Variants in NAV1 observed in about 807,000 individuals in gnomAD.
NAV1 encodes the protein pore membrane and/or filament interacting like protein 3.
A neutral mutation model predicts 175.2 loss-of-function variants in NAV1; 18 were observed. The ratio of observed to expected loss-of-function variants is 0.10; its 90% confidence interval spans 0.07 to 0.15. The LOEUF (loss-of-function observed/expected upper bound fraction) is 0.15. Ranked by LOEUF, NAV1 falls within the 10% of genes least tolerant of loss-of-function variation. NAV1 has a pLI of 1.00. For synonymous variants in NAV1, 897 were observed against 978.7 expected (o/e 0.92, Z 1.56); for missense variants, 1,731 against 2,436.6 (o/e 0.71, Z 6.10).
At chr1:201,819,216 C>A (rs148629555) in intron 29 of NAV1, among the ~76,000 whole-genome samples, 97 of 152,264 alleles carry the variant, frequency 6.4e-4, no homozygotes, top group African/African-American at 2.3e-3. Flanking sequence ...TATGTTCAGG[C>A]CTTCCCTCCT....
intron 15 of NAV1, chr1:201,796,033 T>C (rs1677429480): frequency 1.3e-5 from 2 of 152,234 alleles, no homozygotes; most frequent in Non-Finnish European, 2.9e-5. Context: ...AATATTCCAT[T>C]GTGTGGATAT....
chr1:201,607,495 ATTT>A lies in NAV1; in HGVS notation c.-32-15355_-32-15353del, dbSNP rs551755239. ...GTTTTTAATAATTTTTGAAGACTTTATTTTTATTATTTTTGAGATGGAGTCTCG... is the reference window on the plus strand; with the variant it reads ...GTTTTTAATAATTTTTGAAGACTTTATTATTATTTTTGAGATGGAGTCTCG... On this transcript the variant is annotated intron_variant, in intron 2 of 33. Coordinates refer to the NAV1 transcript ENST00000685211. Among the ~76,000 whole-genome samples, 347 of 150,240 alleles carry A rather than the reference ATTT, an allele frequency of 2.3e-3. 2 individuals are homozygous for A. Among genetic ancestry groups the A allele is most frequent in the African/African-American group, 8.2e-3 (336 of 40,870 alleles).
intron 1 of NAV1, among the ~76,000 whole-genome samples, chr1:201,551,528 G>A (rs914703827): frequency 1.3e-5 from 2 of 152,116 alleles, no homozygotes; most frequent in Admixed American, 6.5e-5. Context: ...CTCGCCCAGC[G>A]CCACAGTGTC....
intron 1 of NAV1, among the ~76,000 whole-genome samples, chr1:201,684,765 G>A (rs1241108398): frequency 1.3e-5 from 2 of 151,862 alleles, no homozygotes; most frequent in Non-Finnish European, 2.9e-5. Context: ...GTGAGCCACT[G>A]TGCCCAGCCT....
intron 3 of NAV1, among the ~76,000 whole-genome samples, chr1:201,721,886 C>T (rs1183497309): frequency 2.0e-5 from 3 of 152,182 alleles, no homozygotes; most frequent in African/African-American, 4.8e-5. Context: ...TTTGACGGCT[C>T]TTCCCAAGCC....
intron 1 of NAV1, among the ~76,000 whole-genome samples, chr1:201,677,250 CAAAAA>C (rs3053786): frequency 1.8e-5 from 2 of 110,662 alleles, no homozygotes. Flanking sequence ...GACTCCATCT[CAAAAA>C]AAAAAAAAAA....
intron 1 of NAV1, among the ~76,000 whole-genome samples, chr1:201,706,198 T>C (rs147641690): frequency 6.6e-6 from 1 of 152,304 alleles, no homozygotes; most frequent in Non-Finnish European, 1.5e-5. Flanking sequence ...CCTAGGGATC[T>C]AACAGGGTCA....
chr1:201,794,631 A>G, intron 15 of NAV1, 54 bp downstream of exon 19: 1 of 1,500,204 alleles, frequency 6.7e-7, no homozygotes. Flanking sequence ...AAGTAAGAGT[A>G]TTACAGATTT....
intron 1 of NAV1, among the ~76,000 whole-genome samples, chr1:201,682,616 G>T (rs765185236): frequency 6.6e-6 from 1 of 152,016 alleles, no homozygotes; most frequent in Non-Finnish European, 1.5e-5. Context: ...GTCAAGACCC[G>T]CATTCAGCTC....
At chr1:201,794,823 C>G in intron 15 of NAV1, 1 of 465,292 alleles carries the variant, frequency 2.1e-6, no homozygotes, top group Non-Finnish European at 3.9e-6. Context: ...TCTCCTTAAC[C>G]TTTACCTCAC....
At chr1:201,660,599 TC>T (rs765195343) in intron 1 of NAV1, among the ~76,000 whole-genome samples, 1 of 152,222 alleles carries the variant, frequency 6.6e-6, no homozygotes, top group Non-Finnish European at 1.5e-5. Flanking sequence ...GGCATCTTCA[TC>T]CTGAGGACCC....
chr1:201,814,564 G>A (rs1571520019), intron 28 of NAV1, among the ~76,000 whole-genome samples: 2 of 152,010 alleles, frequency 1.3e-5, no homozygotes, highest in African/African-American at 4.8e-5. Context: ...AAAGTAACTT[G>A]TTATTGAGAT....
chr1:201,744,857 A>G (rs529267464), intron 3 of NAV1, among the ~76,000 whole-genome samples: 1 of 152,336 alleles, frequency 6.6e-6, no homozygotes, highest in African/African-American at 2.4e-5. Context: ...CACAGACTTC[A>G]TATCTAAGAC....
intron 1 of NAV1, among the ~76,000 whole-genome samples, chr1:201,705,077 C>T (rs1350134185): frequency 6.6e-6 from 1 of 152,152 alleles, no homozygotes; most frequent in Non-Finnish European, 1.5e-5. Context: ...TCTCTACCTC[C>T]CAAAGTGTTG....
chr1:201,572,770 G>T (rs1666584433), intron 1 of NAV1, among the ~76,000 whole-genome samples: 1 of 152,204 alleles, frequency 6.6e-6, no homozygotes, highest in Admixed American at 6.5e-5. Flanking sequence ...AAAGGAGGCA[G>T]CTAAGTGGCC....
At chr1:201,719,157 CAA>C (rs10716495) in intron 3 of NAV1, among the ~76,000 whole-genome samples, 35 of 134,412 alleles carry the variant, frequency 2.6e-4, no homozygotes, top group East Asian at 4.3e-4. Flanking sequence ...TTCCCATTTG[CAA>C]AAAAAAAAAA....
chr1:201,668,378 G>A (rs529152920), intron 1 of NAV1, among the ~76,000 whole-genome samples: 41 of 152,120 alleles, frequency 2.7e-4, no homozygotes, highest in Non-Finnish European at 4.3e-4. Context: ...TGTGATGTTC[G>A]TTAATGGGCA....
At chr1:201,641,203 AC>A (rs1323185348) in intron 2 of NAV1, among the ~76,000 whole-genome samples, 1 of 152,134 alleles carries the variant, frequency 6.6e-6, no homozygotes, top group Non-Finnish European at 1.5e-5. Flanking sequence ...TTTCCCACAC[AC>A]CCACATTTGG....
intron 2 of NAV1, among the ~76,000 whole-genome samples, chr1:201,717,444 C>A (rs1388886026): frequency 6.6e-6 from 1 of 152,198 alleles, no homozygotes; most frequent in African/African-American, 2.4e-5. Flanking sequence ...AGCCTGAACC[C>A]AAGTCCAAGC....
Sources: allele counts gnomAD v4.1 joint callset (sites outside exome capture counted in the v4.1 genomes callset), GRCh38; gene constraint gnomAD v4.1.1; transcripts MANE v1.5; gene names NCBI Gene and HGNC (gene_info 2026-07-23, HGNC 2026-07-21).